STRN: variants seen among roughly 807,000 people sequenced by gnomAD.
STRN encodes protein phosphatase 2 regulatory subunit B'''alpha.
Under a neutral mutation model 96.3 loss-of-function variants are expected in STRN, and 53 were observed. The ratio of observed to expected loss-of-function variants is 0.55; its 90% CI spans 0.44 to 0.69. The LOEUF (loss-of-function observed/expected upper bound fraction) is 0.69. Among genes scored for constraint, STRN ranks in the 30% least tolerant of loss-of-function variants. The probability of loss-of-function intolerance (pLI) is 0.00; values close to 1 mark genes in which losing one functional copy is unlikely to be tolerated. For synonymous variants in STRN, 428 were observed against 355.9 expected, an observed-to-expected ratio of 1.20 and a Z score of -2.28; for missense variants, 987 against 963.9, an observed-to-expected ratio of 1.02 and a Z score of -0.32.
rs562927311 is a variant in STRN at position 36,897,496 on chromosome 2, C to T, written c.795+2027G>A. On this transcript the variant is annotated intron_variant, in intron 6 of 17. Coordinates refer to ENST00000263918, the MANE Select transcript of STRN (RefSeq NM_003162.4). ...TGTCACCCAGGCTGGAGTGCAGTGGCGCAATCTCAGCTCACTGCAAGCTCT... is the reference window on the plus strand; with the variant it reads ...TGTCACCCAGGCTGGAGTGCAGTGGTGCAATCTCAGCTCACTGCAAGCTCT... 3.4e-4 allele frequency among the ~76,000 whole-genome samples: 52 copies of T among 151,296 alleles called. 1 individual carries two copies. Among genetic ancestry groups the T allele is most frequent in the African/African-American group, 1.2e-3 (49 of 41,290 alleles).
chr2:36,876,914 A>AT (rs1668929071), intron 10 of STRN, among the ~76,000 whole-genome samples: 1 of 151,814 alleles, frequency 6.6e-6, no homozygotes, highest in Middle Eastern at 3.4e-3. Context: ...CGCCTGGCTA[A>AT]TTTTTTTGTA....
Position 36,913,467 on chromosome 2 carries a change from A to G in STRN, c.412+2611T>C, listed in dbSNP as rs1200665758. On this transcript the variant is annotated intron_variant, in intron 3 of 17. Transcript: ENST00000263918. ...AGTTTACTTGCCCTGGTTAATTCCT[A>G]CTTGTCCTTCAGATGTCAAAATTAA... Among the ~76,000 whole-genome samples the G allele has an allele frequency of 3.3e-5, 5 of 152,094 alleles. No homozygotes were observed. In the South Asian group the frequency reaches 8.3e-4, roughly 25 times the overall value.
At chr2:36,932,407 G>A (rs901463704) in intron 1 of STRN, among the ~76,000 whole-genome samples, 1 of 151,986 alleles carries the variant, frequency 6.6e-6, no homozygotes, top group African/African-American at 2.4e-5. Context: ...TGCCTGCCTC[G>A]GCCTCCCAAA....
rs763857008 is a variant in STRN at position 36,894,002 on chromosome 2, C to T, written c.827G>A (p.Gly276Asp). ...IVRKKALPDS[G>D]EDRDTKEALK... is the part of the protein sequence containing the mutation. ...AGCTTCTTTTGTATCTCGATCTTCACCGCTGTCAGGCAATGCTTTTTTCCT... is the reference window on the plus strand; with the variant it reads ...AGCTTCTTTTGTATCTCGATCTTCATCGCTGTCAGGCAATGCTTTTTTCCT... The change falls in exon 7 of 18, where the codon GGT (glycine) becomes GAT (aspartate). Residue 276 changes from glycine to aspartate, a missense_variant. Physicochemically the swap from Gly to Asp is moderately conservative, Grantham distance 94. Transcript: ENST00000263918. 56 of 1,613,226 alleles carry T rather than the reference C, an allele frequency of 3.5e-5. No individual in the cohort carries two copies. The highest frequency in any genetic ancestry group is 4.6e-5 in the Non-Finnish European group (54 of 1,179,806).
At position 36,842,726 on chromosome 2, in the gene STRN, G is replaced by C. The variant is rs1182623229; in HGVS notation, c.*6730C>G. Among the ~76,000 whole-genome samples the C allele has an allele frequency of 6.6e-6, 1 of 152,064 alleles. No individual in the cohort carries two copies. The highest frequency in any genetic ancestry group is 1.9e-4 in the East Asian group (1 of 5,196). Reference sequence around the variant, plus strand: ...GAAGCGAGTCATTTTATGTTTGGTGGGTTTTGAATCATTTGATATACAAAA... The same window carrying C: ...GAAGCGAGTCATTTTATGTTTGGTGCGTTTTGAATCATTTGATATACAAAA... On this transcript the variant is annotated 3_prime_UTR_variant, in exon 18 of 18. Coordinates refer to ENST00000263918, the MANE Select transcript of STRN (RefSeq NM_003162.4).
Position 36,964,014 on chromosome 2 carries a change from T to A in STRN, c.234+2216A>T, listed in dbSNP as rs375284094. On this transcript the variant is annotated intron_variant, in intron 1 of 17. Transcript: ENST00000263918. ...CAATAAAAGGAAAAAAAAAAAGGAGTCTCTTTAATATGATAAGCACCCATG... is the reference window on the plus strand; with the variant it reads ...CAATAAAAGGAAAAAAAAAAAGGAGACTCTTTAATATGATAAGCACCCATG... 1.2e-3 allele frequency among the ~76,000 whole-genome samples: 180 copies of A among 145,960 alleles called. 3 individuals are homozygous for A. In the East Asian group the frequency reaches 0.026, roughly 21 times the overall value.
At chr2:36,911,747 C>T (rs185408988) in intron 3 of STRN, among the ~76,000 whole-genome samples, 14 of 152,146 alleles carry the variant, frequency 9.2e-5, no homozygotes, top group African/African-American at 3.4e-4. Context: ...TTTTTTTGTC[C>T]CTTTTTCTCT....
At chr2:36,871,943 C>A (rs1361125926) in intron 10 of STRN, among the ~76,000 whole-genome samples, 1 of 152,166 alleles carries the variant, frequency 6.6e-6, no homozygotes, top group African/African-American at 2.4e-5. Flanking sequence ...ATACATCATC[C>A]AAGGAACTAC....
chr2:36,944,623 G>A (rs1199736864), intron 1 of STRN, among the ~76,000 whole-genome samples: 1 of 152,008 alleles, frequency 6.6e-6, no homozygotes, highest in Non-Finnish European at 1.5e-5. Context: ...ACACTAACCT[G>A]AAAAATTGCC....
At chr2:36,894,654 A>G (rs1669491704) in intron 6 of STRN, among the ~76,000 whole-genome samples, 1 of 152,220 alleles carries the variant, frequency 6.6e-6, no homozygotes, top group Non-Finnish European at 1.5e-5. Flanking sequence ...ATTTTCTTTG[A>G]ATAAGATTTC....
At chr2:36,935,477 A>G (rs1240132903) in intron 1 of STRN, among the ~76,000 whole-genome samples, 2 of 152,198 alleles carry the variant, frequency 1.3e-5, no homozygotes, top group Non-Finnish European at 2.9e-5. Flanking sequence ...AATTAGGACT[A>G]TGACATAATT....
intron 9 of STRN, 60 bp from the exon 10 acceptor site, chr2:36,878,087 A>C: frequency 4.1e-5 from 64 of 1,576,886 alleles, no homozygotes; most frequent in Non-Finnish European, 5.1e-5. Flanking sequence ...ATTTAGTCTC[A>C]TTTGCTTGCA....
chr2:36,883,955 T>G lies in STRN; in HGVS notation c.1163A>C (p.His388Pro). ...ACCTTCATCTGCCCTATTAATTTCA[T>G]GTTCAGGAAGCCTGGAGCTGCTGGG... ...SRPSSSRLPE[H>P]EINRADEVEA... is the part of the protein sequence containing the mutation. Residue 388 changes from histidine (H) to proline (P), a missense_variant, in exon 9 of 18, where the codon CAT becomes CCT. By Grantham distance (77) the His-to-Pro change is moderately conservative (BLOSUM62 -2). Transcript: ENST00000263918. 1 of 1,410,936 alleles carries G rather than the reference T, an allele frequency of 7.1e-7. No homozygotes were observed. The highest frequency in any genetic ancestry group is 9.3e-7 in the Non-Finnish European group (1 of 1,077,048). 87.4% of individuals were successfully genotyped at this position (1,410,936 alleles called of 1,614,324 possible). A position where few individuals can be genotyped will look rare whatever the true frequency, so the allele number is the denominator to read the frequency against.
intron 12 of STRN, chr2:36,867,458 G>GT (rs1668658745): frequency 6.1e-6 from 1 of 165,096 alleles, no homozygotes; most frequent in Non-Finnish European, 1.3e-5. Context: ...GCTAATCTCT[G>GT]TATCTTTCCA....
chr2:36,893,862 T>C (rs1159349522), intron 7 of STRN, 36 bp downstream of exon 7: 3 of 1,561,554 alleles, frequency 1.9e-6, no homozygotes, highest in Admixed American at 2.2e-5. Context: ...TTTTATTTAC[T>C]TAACATCTCT....
At chr2:36,915,896 A>AAAGG (rs1670083902) in intron 3 of STRN, among the ~76,000 whole-genome samples, 182 bp downstream of exon 3, 1 of 152,230 alleles carries the variant, frequency 6.6e-6, no homozygotes, top group Non-Finnish European at 1.5e-5. Context: ...GGAAGAGGGA[A>AAAGG]AAGGAAGGAA....
chr2:36,894,086 T>G, intron 6 of STRN, 53 bp from the exon 7 acceptor site: 1 of 1,560,768 alleles, frequency 6.4e-7, no homozygotes, highest in South Asian at 1.2e-5. Context: ...CCTTTACCAC[T>G]GAATAAGAAA....
chr2:36,866,771 C>T lies in STRN; in HGVS notation c.1547+1043G>A, dbSNP rs114563642. Reference sequence around the variant, plus strand: ...TTTCTTGAATTGAATCCTTTATTGTCATGTAATGCCCTCCTTTGTCTTTAC... The same window carrying T: ...TTTCTTGAATTGAATCCTTTATTGTTATGTAATGCCCTCCTTTGTCTTTAC... On this transcript the variant is annotated intron_variant, in intron 12 of 17. Coordinates refer to ENST00000263918, the MANE Select transcript of STRN (RefSeq NM_003162.4). 5.3e-3 allele frequency among the ~76,000 whole-genome samples: 801 copies of T among 152,258 alleles called. 6 individuals are homozygous for T. Among genetic ancestry groups the T allele is most frequent in the African/African-American group, 0.018 (744 of 41,542 alleles).
chr2:36,955,847 CT>C (rs1664874145), intron 1 of STRN, among the ~76,000 whole-genome samples: 1 of 152,174 alleles, frequency 6.6e-6, no homozygotes, highest in African/African-American at 2.4e-5. Context: ...AATGAGATAT[CT>C]TGGGGATGAG....
Sources: gnomAD v4.1 joint callset for allele counts (sites outside exome capture counted in the v4.1 genomes callset) on GRCh38, gnomAD v4.1.1 for gene constraint, MANE v1.5 for transcripts, NCBI Gene and HGNC (gene_info 2026-07-23, HGNC 2026-07-21) for gene names.